The following SLX4IP variants were observed in gnomAD, a reference collection of about 807,000 sequenced individuals.
The protein encoded by SLX4IP is SLX4 interacting protein.
Under a neutral mutation model 32.9 loss-of-function variants are expected in SLX4IP, and 34 were observed. The ratio of observed to expected loss-of-function variants is 1.03; its 90% CI spans 0.79 to 1.38. The LOEUF (loss-of-function observed/expected upper bound fraction) is 1.38, where lower values mean the gene tolerates loss of function less well. Among genes scored for constraint, SLX4IP ranks in the 40% most tolerant of loss-of-function variants. The pLI is 0.00. For missense variants in SLX4IP, 444 were observed against 479.0 expected (o/e 0.93, Z 0.68); for synonymous variants, 172 against 171.7 (o/e 1.00, Z -0.01).
chr20:10,493,098 C>T (rs899727520), intron 2 of SLX4IP, among the ~76,000 whole-genome samples: 1 of 152,148 alleles, frequency 6.6e-6, no homozygotes, highest in Non-Finnish European at 1.5e-5. Flanking sequence ...GCCACTGCCC[C>T]TGGTGGTATG....
intron 4 of SLX4IP, among the ~76,000 whole-genome samples, chr20:10,585,679 T>C (rs890013528): frequency 6.6e-6 from 1 of 152,008 alleles, no homozygotes; most frequent in Admixed American, 6.6e-5. Flanking sequence ...CTCCGTCACC[T>C]GGGTTCAAGC....
intron 2 of SLX4IP, among the ~76,000 whole-genome samples, chr20:10,502,973 T>C (rs909702450): frequency 6.6e-6 from 1 of 152,222 alleles, no homozygotes; most frequent in Non-Finnish European, 1.5e-5. Flanking sequence ...TTAGACCTGA[T>C]GGCTCATGTT....
At chr20:10,563,433 T>C (rs1243291568) in intron 4 of SLX4IP, among the ~76,000 whole-genome samples, 1 of 152,208 alleles carries the variant, frequency 6.6e-6, no homozygotes, top group African/African-American at 2.4e-5. Flanking sequence ...TCTATTTTTG[T>C]TTTTATTGCT....
chr20:10,528,625 A>C (rs2065959389), intron 2 of SLX4IP, among the ~76,000 whole-genome samples: 3 of 152,212 alleles, frequency 2.0e-5, no homozygotes, highest in African/African-American at 7.2e-5. Flanking sequence ...ATATCAGACT[A>C]GCTCTTTGGA....
At chr20:10,496,214 G>A (rs1002337243) in intron 2 of SLX4IP, among the ~76,000 whole-genome samples, 4 of 151,926 alleles carry the variant, frequency 2.6e-5, no homozygotes, top group Admixed American at 6.6e-5. Context: ...TATTTATTAC[G>A]TGCATAGAAT....
At chr20:10,519,119 A>G (rs564173940) in intron 2 of SLX4IP, among the ~76,000 whole-genome samples, 4 of 152,336 alleles carry the variant, frequency 2.6e-5, no homozygotes, top group South Asian at 2.1e-4. Flanking sequence ...TTTCACTGTC[A>G]TAGTCTTTGC....
intron 2 of SLX4IP, among the ~76,000 whole-genome samples, chr20:10,463,998 G>A (rs2065359940): frequency 1.3e-5 from 2 of 152,160 alleles, no homozygotes; most frequent in Non-Finnish European, 2.9e-5. Context: ...TAAGGATTAA[G>A]TCTTCATTTT....
At chr20:10,516,280 TA>T (rs1258397057) in intron 2 of SLX4IP, among the ~76,000 whole-genome samples, 6 of 152,204 alleles carry the variant, frequency 3.9e-5, no homozygotes, top group Admixed American at 1.3e-4. Flanking sequence ...ATGTCAATGC[TA>T]GCAAGTTTTT....
chr20:10,472,234 CTT>C (rs5840380), intron 2 of SLX4IP, among the ~76,000 whole-genome samples: 10 of 142,398 alleles, frequency 7.0e-5, no homozygotes, highest in Non-Finnish European at 1.1e-4. Flanking sequence ...TAATACTATA[CTT>C]TTTTTTTTTT....
At chr20:10,610,631 A>T (rs2066955494) in intron 6 of SLX4IP, among the ~76,000 whole-genome samples, 1 of 152,220 alleles carries the variant, frequency 6.6e-6, no homozygotes, top group Admixed American at 6.5e-5. Flanking sequence ...CCCTGTGCCA[A>T]GTGTTTTGCC....
chr20:10,516,071 A>G (rs1668250563), intron 2 of SLX4IP, among the ~76,000 whole-genome samples: 2 of 152,242 alleles, frequency 1.3e-5, no homozygotes, highest in Non-Finnish European at 2.9e-5. Context: ...GTGTTTTTGT[A>G]GAGACGGGGT....
chr20:10,606,022 C>A (rs1350724749), intron 6 of SLX4IP, among the ~76,000 whole-genome samples: 1 of 152,134 alleles, frequency 6.6e-6, no homozygotes, highest in African/African-American at 2.4e-5. Flanking sequence ...CCTTTGTGGG[C>A]CATAGCCCTC....
chr20:10,463,715 A>T (rs1282598623), intron 2 of SLX4IP, among the ~76,000 whole-genome samples: 1 of 152,250 alleles, frequency 6.6e-6, no homozygotes, highest in Non-Finnish European at 1.5e-5. Flanking sequence ...TGCAACCCTC[A>T]GTTCTCAGTA....
At chr20:10,521,024 A>G (rs939394562) in intron 2 of SLX4IP, among the ~76,000 whole-genome samples, 2 of 152,216 alleles carry the variant, frequency 1.3e-5, no homozygotes, top group African/African-American at 4.8e-5. Flanking sequence ...ACATTTTTAT[A>G]GAAATTCCTA....
Position 10,488,305 on chromosome 20 carries a change from GGAA to G in SLX4IP, c.27+30077_27+30079del, listed in dbSNP as rs779889969. Among the ~76,000 whole-genome samples the G allele has an allele frequency of 3.3e-5, 5 of 152,212 alleles. No homozygotes were observed. The South Asian group carries it at 1.0e-3, about 32-fold the overall frequency. Reference sequence around the variant, plus strand: ...GGACACAGAGACAGCACACACAGAGGGAAGATGATGTGAAGACACAAGGATAAT... The same window carrying G: ...GGACACAGAGACAGCACACACAGAGGGATGATGTGAAGACACAAGGATAAT... On this transcript the variant is annotated intron_variant, in intron 2 of 7. Transcript: ENST00000334534.
At chr20:10,465,085 G>T (rs2065369121) in intron 2 of SLX4IP, among the ~76,000 whole-genome samples, 2 of 152,184 alleles carry the variant, frequency 1.3e-5, no homozygotes, top group African/African-American at 4.8e-5. Context: ...GGCTACTGCA[G>T]CTTCTAGCAG....
intron 2 of SLX4IP, among the ~76,000 whole-genome samples, chr20:10,464,626 A>G (rs1403454101): frequency 6.6e-6 from 1 of 152,246 alleles, no homozygotes. Flanking sequence ...GTACTTGGTT[A>G]GAGCAGGGTT....
chr20:10,518,544 T>TCCTC (rs1462780872), intron 2 of SLX4IP, among the ~76,000 whole-genome samples: 1 of 91,026 alleles, frequency 1.1e-5, no homozygotes, highest in African/African-American at 3.7e-5. Context: ...CTTCCTTCCT[T>TCCTC]CCTTCCTTTC....
intron 2 of SLX4IP, among the ~76,000 whole-genome samples, chr20:10,543,028 G>C (rs1344205216): frequency 6.6e-6 from 1 of 152,120 alleles, no homozygotes; most frequent in Non-Finnish European, 1.5e-5. Context: ...GGGTCCTGTG[G>C]TTATGGCTGT....
Sources: allele counts gnomAD v4.1 joint callset (sites outside exome capture counted in the v4.1 genomes callset), GRCh38; gene constraint gnomAD v4.1.1; transcripts MANE v1.5; gene names NCBI Gene and HGNC (gene_info 2026-07-23, HGNC 2026-07-21).